The following ESF1 variants were observed in gnomAD, a reference collection of about 807,000 sequenced individuals.
The protein encoded by ESF1 is ESF1 homolog.
Under a neutral mutation model 92.0 loss-of-function variants are expected in ESF1, and 58 were observed. The observed-to-expected ratio is 0.63, with a 90% CI of 0.51 to 0.78. The LOEUF (loss-of-function observed/expected upper bound fraction) is 0.78. ESF1 is among the 30% of genes least tolerant of loss of function. The probability of loss-of-function intolerance (pLI) is 0.00; values close to 1 mark genes in which losing one functional copy is unlikely to be tolerated. For synonymous variants in ESF1, 321 were observed against 313.7 expected (o/e 1.02, Z -0.24); for missense variants, 922 against 989.1 (o/e 0.93, Z 0.91).
chr20:13,784,839 C>T, intron 1 of ESF1, 41 bp downstream of exon 1: 1 of 585,450 alleles, frequency 1.7e-6, no homozygotes. Context: ...CCCTCAAGCC[C>T]TTCATCTCGA....
chr20:13,760,412 G>A (rs1418161526), intron 8 of ESF1, among the ~76,000 whole-genome samples: 7 of 144,978 alleles, frequency 4.8e-5, no homozygotes, highest in African/African-American at 1.3e-4. Context: ...CTGCCGCCCC[G>A]TCTGGGGTGT....
Position 13,775,918 on chromosome 20 carries a change from C to T in ESF1, c.990G>A (p.Glu330=), listed in dbSNP as rs750642472. Reference sequence around the variant, plus strand: ...CTTTATCTAATTCTCTCCAAGCATGCTCAAAACCAGATTCTTCTGGAAACA... The same window carrying T: ...CTTTATCTAATTCTCTCCAAGCATGTTCAAAACCAGATTCTTCTGGAAACA... ...ADLFPEESGF[E]HAWRELDKDA... The change falls in exon 3 of 14, where the codon GAG becomes GAA. Residue 330 remains glutamate, a synonymous_variant. Transcript: ENST00000617257. 1.9e-6 allele frequency: 3 copies of T among 1,613,268 alleles called. No individual in the cohort carries two copies. The highest frequency in any genetic ancestry group is 2.2e-5 in the South Asian group (2 of 90,966).
chr20:13,747,879 A>T (rs1469951553), intron 9 of ESF1, among the ~76,000 whole-genome samples: 1 of 152,200 alleles, frequency 6.6e-6, no homozygotes, highest in African/African-American at 2.4e-5. Flanking sequence ...AGCTTATTAC[A>T]CACCTAGGTT....
chr20:13,758,136 T>C (rs1482385601), intron 9 of ESF1, among the ~76,000 whole-genome samples: 3 of 152,216 alleles, frequency 2.0e-5, no homozygotes, highest in Admixed American at 2.0e-4. Flanking sequence ...ATATAGAGAA[T>C]TCCTCTTTAT....
chr20:13,755,974 C>T (rs1978874195), intron 9 of ESF1, among the ~76,000 whole-genome samples: 1 of 152,114 alleles, frequency 6.6e-6, no homozygotes, highest in Non-Finnish European at 1.5e-5. Context: ...GCCACAGAAC[C>T]AATGAATGAT....
intron 10 of ESF1, among the ~76,000 whole-genome samples, chr20:13,729,328 A>C (rs6042324): frequency 0.69 from 104,287 of 152,186 alleles, 35,962 homozygotes; most frequent in East Asian, 0.89. Context: ...TTTTGGGAGA[A>C]ATGGAAGTTA....
chr20:13,716,804 A>ATT (rs71188180), intron 13 of ESF1, among the ~76,000 whole-genome samples: 547 of 45,882 alleles, frequency 0.012, 45 homozygotes, highest in African/African-American at 0.021. Context: ...CTATACCTGG[A>ATT]TTTTTTTTTT....
intron 9 of ESF1, among the ~76,000 whole-genome samples, chr20:13,747,139 C>T (rs2050054877): frequency 6.6e-6 from 1 of 152,042 alleles, no homozygotes; most frequent in Non-Finnish European, 1.5e-5. Context: ...ATCCTTGAAA[C>T]AGAGTAATCC....
intron 8 of ESF1, among the ~76,000 whole-genome samples, chr20:13,762,466 A>G (rs1979241814): frequency 1.3e-5 from 2 of 152,186 alleles, no homozygotes; most frequent in African/African-American, 4.8e-5. Context: ...AGCTCCTTCC[A>G]GGTTGAAATT....
At chr20:13,723,033 CAG>C (rs1210484256) in intron 11 of ESF1, among the ~76,000 whole-genome samples, 12 of 152,118 alleles carry the variant, frequency 7.9e-5, no homozygotes, top group African/African-American at 2.9e-4. Flanking sequence ...AAAAATGTAA[CAG>C]AATACATCCA....
intron 4 of ESF1, 91 bp from the exon 5 acceptor site, chr20:13,772,706 A>G: frequency 2.3e-6 from 2 of 864,676 alleles, no homozygotes; most frequent in Non-Finnish European, 1.9e-6. Flanking sequence ...AAAAGTCACA[A>G]CTTGACTCAA....
At chr20:13,717,305 C>G in intron 13 of ESF1, 63 bp downstream of exon 13, 1 of 1,583,066 alleles carries the variant, frequency 6.3e-7, no homozygotes, top group South Asian at 1.1e-5. Context: ...CAATTTCTAT[C>G]TGCAGAGCTG....
chr20:13,769,831 A>G, intron 7 of ESF1, 76 bp downstream of exon 7: 1 of 938,826 alleles, frequency 1.1e-6, no homozygotes, highest in Non-Finnish European at 1.7e-6. Context: ...ATTTTTAAAG[A>G]TGCTATAAGT....
chr20:13,733,161 G>A (rs2049954939), intron 10 of ESF1, among the ~76,000 whole-genome samples: 1 of 151,950 alleles, frequency 6.6e-6, no homozygotes, highest in Non-Finnish European at 1.5e-5. Context: ...CCTGACCTCA[G>A]GTGATCCACC....
In ESF1 at chr20:13,719,004, T is replaced by G; in HGVS notation, c.2039-20A>C. The G allele has an allele frequency of 6.4e-7, 1 of 1,569,058 alleles. No homozygotes were observed. The highest frequency in any genetic ancestry group is 2.3e-5 in the East Asian group (1 of 43,310). ...TTATACCTGGCACAACAAACCAACA[T>G]AAGAGTGGTAAAAATTACAGGACTA... On this transcript the variant is annotated intron_variant, in intron 11 of 13. Transcript: ENST00000617257.
At chr20:13,768,080 A>G (rs994984025) in intron 7 of ESF1, among the ~76,000 whole-genome samples, 3 of 152,162 alleles carry the variant, frequency 2.0e-5, no homozygotes, top group Non-Finnish European at 4.4e-5. Context: ...AAATAACATG[A>G]CTTTAATTTC....
In ESF1 at chr20:13,759,781, G is replaced by C; in HGVS notation, c.1739C>G (p.Ala580Gly). ...AACCTGCAAGAGCTGCCTGTATTTAGCAATTTGTTCTTCATCATCCTTCTG... is the reference window on the plus strand; with the variant it reads ...AACCTGCAAGAGCTGCCTGTATTTACCAATTTGTTCTTCATCATCCTTCTG... ...KSQKDDEEQI[A>G]KYRQLLQVIQ... Residue 580 changes from alanine (A) to glycine (G), a missense_variant, in exon 9 of 14, where the codon GCT becomes GGT. Transcript: ENST00000617257. The C allele has an allele frequency of 6.3e-7, 1 of 1,586,062 alleles. No homozygotes were observed. Among genetic ancestry groups the C allele is most frequent in the Non-Finnish European group, 8.5e-7 (1 of 1,171,826 alleles).
At chr20:13,738,340 G>T (rs1425923400) in intron 9 of ESF1, among the ~76,000 whole-genome samples, 1 of 150,566 alleles carries the variant, frequency 6.6e-6, no homozygotes. Flanking sequence ...TTGAGACAGG[G>T]TCTTGCTGTG....
chr20:13,762,333 A>C (rs183104942), intron 8 of ESF1, among the ~76,000 whole-genome samples: 1 of 152,310 alleles, frequency 6.6e-6, no homozygotes, highest in East Asian at 1.9e-4. Context: ...CACAATAATA[A>C]TGTTGGATGG....
Sources: gnomAD v4.1 joint callset for allele counts (sites outside exome capture counted in the v4.1 genomes callset) on GRCh38, gnomAD v4.1.1 for gene constraint, MANE v1.5 for transcripts, NCBI Gene and HGNC (gene_info 2026-07-23, HGNC 2026-07-21) for gene names.